CLVS1: variants seen among roughly 807,000 people sequenced by gnomAD.
The protein encoded by CLVS1 is clavesin-1.
In CLVS1, 10 loss-of-function variants were observed where a neutral mutation model predicts 33.1. That is an observed-to-expected ratio of 0.30 (90% CI 0.19 to 0.51). The LOEUF is 0.51. Ranked by LOEUF, CLVS1 falls within the 20% of genes least tolerant of loss-of-function variation. The pLI is 0.97. For synonymous variants in CLVS1, 163 were observed against 166.1 expected (o/e 0.98, Z 0.14); for missense variants, 343 against 433.4 (o/e 0.79, Z 1.85).
At chr8:61,082,638 C>T (rs563518756) in intron 1 of CLVS1, among the ~76,000 whole-genome samples, 81 of 152,278 alleles carry the variant, frequency 5.3e-4, no homozygotes, top group Non-Finnish European at 8.2e-4. Flanking sequence ...ATAAGAATCA[C>T]ATCATAGTTC....
intron 2 of CLVS1, among the ~76,000 whole-genome samples, chr8:61,206,235 C>G (rs929026993): frequency 6.6e-6 from 1 of 152,138 alleles, no homozygotes; most frequent in Non-Finnish European, 1.5e-5. Context: ...TGTTAAAACC[C>G]TAACCCATAC....
At chr8:61,235,857 C>CT (rs1326144466) in intron 2 of CLVS1, among the ~76,000 whole-genome samples, 1 of 152,180 alleles carries the variant, frequency 6.6e-6, no homozygotes, top group Admixed American at 6.5e-5. Context: ...TCATTTGAGA[C>CT]TTTACTTCTG....
At chr8:61,495,703 G>A (rs983557838) in intron 5 of CLVS1, among the ~76,000 whole-genome samples, 3 of 152,184 alleles carry the variant, frequency 2.0e-5, no homozygotes, top group Admixed American at 1.3e-4. Context: ...TTTCCCTTTG[G>A]TTGTGTTGTA....
At chr8:61,325,845 A>G (rs1811364142) in intron 2 of CLVS1, among the ~76,000 whole-genome samples, 1 of 152,166 alleles carries the variant, frequency 6.6e-6, no homozygotes, top group South Asian at 2.1e-4. Flanking sequence ...TCTAAAGTAT[A>G]CTAACAAACT....
chr8:61,064,697 C>T (rs899569651), intron 1 of CLVS1, among the ~76,000 whole-genome samples: 10 of 151,694 alleles, frequency 6.6e-5, no homozygotes, highest in African/African-American at 1.2e-4. Flanking sequence ...CCTGCCACCA[C>T]GTCCAGCTAA....
At chr8:61,305,671 GTA>G (rs1810598272) in intron 2 of CLVS1, among the ~76,000 whole-genome samples, 1 of 151,970 alleles carries the variant, frequency 6.6e-6, no homozygotes, top group African/African-American at 2.4e-5. Flanking sequence ...ATTAAGCCTA[GTA>G]TTCATTAGTT....
chr8:61,482,550 A>G (rs1354204216), intron 5 of CLVS1, among the ~76,000 whole-genome samples: 1 of 152,208 alleles, frequency 6.6e-6, no homozygotes, highest in Non-Finnish European at 1.5e-5. Context: ...CAAGAACTAC[A>G]CGACACATGC....
chr8:61,437,699 A>G (rs1014282403), intron 3 of CLVS1, among the ~76,000 whole-genome samples: 1 of 152,198 alleles, frequency 6.6e-6, no homozygotes. Context: ...AAATGACAAC[A>G]TTTTCAAATC....
At chr8:61,088,606 T>C (rs1030768806) in intron 1 of CLVS1, among the ~76,000 whole-genome samples, 1 of 152,134 alleles carries the variant, frequency 6.6e-6, no homozygotes, top group Non-Finnish European at 1.5e-5. Context: ...AAAGGGCATG[T>C]ATGCAAGGGT....
At chr8:60,965,601 C>T in the CLVS1 span, among the ~76,000 whole-genome samples, 3 of 152,210 alleles carry the variant, frequency 2.0e-5, no homozygotes, top group Admixed American at 2.0e-4. Context: ...GGCCGCTGGG[C>T]CACACAGAAC....
At chr8:61,109,511 T>C (rs1271269623) in intron 1 of CLVS1, among the ~76,000 whole-genome samples, 2 of 152,188 alleles carry the variant, frequency 1.3e-5, no homozygotes, top group African/African-American at 4.8e-5. Flanking sequence ...AATACTTCAG[T>C]ATAAATATTG....
At position 61,468,879 on chromosome 8, in the gene CLVS1, G is replaced by C. The variant is rs900998539; in HGVS notation, c.977+10337G>C. On this transcript the variant is annotated intron_variant, in intron 5 of 5. Coordinates refer to ENST00000325897, the MANE Select transcript of CLVS1 (RefSeq NM_173519.3). ...TATCGGAATTCCAGAAACTACCAGG[G>C]GCAGAAAAGCACATGTTAGCTTCCC... is the stretch of plus-strand genomic sequence containing the variant. 2.6e-5 allele frequency among the ~76,000 whole-genome samples: 4 copies of C among 152,224 alleles called. 1 individual carries two copies. The highest frequency in any genetic ancestry group is 6.8e-3 in the Middle Eastern group (2 of 294).
chr8:61,279,003 A>T (rs995018018), intron 2 of CLVS1, among the ~76,000 whole-genome samples: 11 of 152,234 alleles, frequency 7.2e-5, no homozygotes, highest in Non-Finnish European at 1.6e-4. Flanking sequence ...CAGAGATGGC[A>T]TGTGGCTGAG....
In CLVS1 at chr8:61,454,092, A is replaced by G. The variant is rs773811480; in HGVS notation, c.631-49A>G. On this transcript the variant is annotated intron_variant, in intron 3 of 5. Transcript: ENST00000325897. ...GGCATTGGTCCTGCTGGTCCAGTCT[A>G]ACAAGGTGTGCTTACTAATCGGTGT... 6.1e-6 allele frequency: 8 copies of G among 1,305,800 alleles called. No individual in the cohort carries two copies. The South Asian group carries it at 9.4e-5, about 15-fold the overall frequency. The allele number at this position is 1,305,800 out of a possible 1,614,324, so 80.9% of individuals were successfully genotyped here. A position where few individuals can be genotyped will look rare whatever the true frequency, so the allele number is the denominator to read the frequency against.
chr8:61,302,861 C>T (rs1810485444), intron 2 of CLVS1, among the ~76,000 whole-genome samples: 1 of 152,162 alleles, frequency 6.6e-6, no homozygotes, highest in Non-Finnish European at 1.5e-5. Context: ...GAGGCAGGCA[C>T]ATCTTCACAT....
At chr8:61,478,026 T>C (rs2129608033) in intron 5 of CLVS1, among the ~76,000 whole-genome samples, 1 of 152,334 alleles carries the variant, frequency 6.6e-6, no homozygotes, top group East Asian at 1.9e-4. Context: ...GTCTTTGTTC[T>C]CACTGGTTTC....
intron 3 of CLVS1, among the ~76,000 whole-genome samples, chr8:61,448,899 T>G (rs1044489164): frequency 6.6e-6 from 1 of 152,244 alleles, no homozygotes; most frequent in African/African-American, 2.4e-5. Flanking sequence ...CATCTGGTGT[T>G]GTCCTCTATT....
At chr8:61,332,532 A>C (rs1446849800) in intron 2 of CLVS1, among the ~76,000 whole-genome samples, 1 of 152,172 alleles carries the variant, frequency 6.6e-6, no homozygotes, top group African/African-American at 2.4e-5. Flanking sequence ...TGATACTTCT[A>C]ATCTGCTATC....
At chr8:61,264,283 A>G (rs1358706475) in intron 2 of CLVS1, among the ~76,000 whole-genome samples, 1 of 151,998 alleles carries the variant, frequency 6.6e-6, no homozygotes, top group Non-Finnish European at 1.5e-5. Flanking sequence ...CCAAATTGGA[A>G]CTTTCTCTGA....
Sources: gnomAD v4.1 joint callset for allele counts (sites outside exome capture counted in the v4.1 genomes callset) on GRCh38, gnomAD v4.1.1 for gene constraint, MANE v1.5 for transcripts, NCBI Gene and HGNC (gene_info 2026-07-23, HGNC 2026-07-21) for gene names.